The following ARFGEF2 variants were observed in gnomAD, a reference collection of about 807,000 sequenced individuals.
The protein encoded by ARFGEF2 is ARF guanine nucleotide exchange factor 2, also known as brefeldin A-inhibited guanine nucleotide-exchange protein 2.
A neutral mutation model predicts 219.9 loss-of-function variants in ARFGEF2; 74 were observed. The ratio of observed to expected loss-of-function variants is 0.34; its 90% CI spans 0.28 to 0.41. The LOEUF is 0.41. Ranked by LOEUF, ARFGEF2 falls within the 10% of genes least tolerant of loss-of-function variation. The pLI is 1.00. For missense variants in ARFGEF2, 1,743 were observed against 2,218.3 expected (o/e 0.79, Z 4.30); for synonymous variants, 733 against 799.2 (o/e 0.92, Z 1.40).
chr20:48,960,861 C>G (rs1432572847), intron 6 of ARFGEF2, among the ~76,000 whole-genome samples: 1 of 150,944 alleles, frequency 6.6e-6, no homozygotes, highest in Non-Finnish European at 1.5e-5. Context: ...GCAGGCAGAT[C>G]ACGAGGTCAA....
intron 27 of ARFGEF2, 137 bp downstream of exon 27, chr20:49,010,541 G>A: frequency 1.0e-6 from 1 of 979,772 alleles, no homozygotes; most frequent in Non-Finnish European, 1.6e-6. Context: ...AGGCCGTGTT[G>A]TAAGCGCTTG....
At position 48,973,905 on chromosome 20, in the gene ARFGEF2, T is replaced by A. The variant is rs543634311; in HGVS notation, c.1665+621T>A. On this transcript the variant is annotated intron_variant, in intron 12 of 38. Transcript: ENST00000371917. ...ATATTTGCAATTTTTTTAGATGATCTGCAACTCATATTCAACTTGTTATTT... is the reference window on the plus strand; with the variant it reads ...ATATTTGCAATTTTTTTAGATGATCAGCAACTCATATTCAACTTGTTATTT... Among the ~76,000 whole-genome samples the A allele has an allele frequency of 2.0e-5, 3 of 152,302 alleles. No homozygotes were observed. The South Asian group carries it at 6.2e-4, about 32-fold the overall frequency.
intron 21 of ARFGEF2, among the ~76,000 whole-genome samples, chr20:48,991,690 T>A (rs1037187376): frequency 2.0e-5 from 3 of 152,178 alleles, no homozygotes; most frequent in African/African-American, 7.2e-5. Context: ...TTTAAAAGGA[T>A]ATTTGTTGCA....
intron 21 of ARFGEF2, among the ~76,000 whole-genome samples, chr20:48,993,751 AC>A (rs2091370133): frequency 6.6e-6 from 1 of 152,122 alleles, no homozygotes; most frequent in Non-Finnish European, 1.5e-5. Context: ...CACCAGAGGC[AC>A]CCCTCAGGAC....
chr20:48,926,541 C>T (rs575529871), intron 1 of ARFGEF2, among the ~76,000 whole-genome samples: 1 of 152,124 alleles, frequency 6.6e-6, no homozygotes, highest in South Asian at 2.1e-4. Flanking sequence ...TCACTGCAAC[C>T]TCTCCATCCC....
At chr20:48,931,544 G>A (rs568039574) in intron 1 of ARFGEF2, among the ~76,000 whole-genome samples, 9 of 152,136 alleles carry the variant, frequency 5.9e-5, no homozygotes, top group Non-Finnish European at 1.3e-4. Flanking sequence ...TAAAGTGAGA[G>A]AACAAACCAG....
At chr20:48,991,674 A>G (rs917554265) in intron 21 of ARFGEF2, among the ~76,000 whole-genome samples, 8 of 152,180 alleles carry the variant, frequency 5.3e-5, no homozygotes, top group African/African-American at 1.9e-4. Context: ...TGTGTACAAC[A>G]ATGTATTTAA....
chr20:48,973,360 C>G, intron 12 of ARFGEF2, 76 bp downstream of exon 12: 1 of 1,475,190 alleles, frequency 6.8e-7, no homozygotes, highest in East Asian at 2.4e-5. Context: ...CCACCACATG[C>G]CAGGCACTGT....
chr20:48,995,202 G>T (rs1345546708), intron 22 of ARFGEF2, among the ~76,000 whole-genome samples: 2 of 152,146 alleles, frequency 1.3e-5, no homozygotes, highest in African/African-American at 4.8e-5. Flanking sequence ...ACTGAGGCAC[G>T]GAGTGAAAAG....
intron 3 of ARFGEF2, among the ~76,000 whole-genome samples, chr20:48,943,437 A>G (rs1178740527): frequency 6.6e-6 from 1 of 152,236 alleles, no homozygotes; most frequent in Admixed American, 6.5e-5. Context: ...AGTTAAGGTG[A>G]CTTGTCCAGT....
At chr20:48,979,200 G>T (rs1600629241) in intron 14 of ARFGEF2, among the ~76,000 whole-genome samples, 1 of 152,112 alleles carries the variant, frequency 6.6e-6, no homozygotes, top group Admixed American at 6.6e-5. Context: ...GTTGAATTTT[G>T]TTGAAGGCCT....
chr20:48,965,887 A>G lies in ARFGEF2; in HGVS notation c.923A>G (p.His308Arg). The change falls in exon 8 of 39, where the codon CAT becomes CGT. Residue 308 changes from histidine (H) to arginine (R), a missense_variant. By Grantham distance (29) the His-to-Arg change is conservative. Coordinates refer to ENST00000371917, the MANE Select transcript of ARFGEF2 (RefSeq NM_006420.3). ...GTGTTTTAAGAAGCAGCGGAAAAGCATGGTCTGACAGAACCTGAGAGAGTT... is the reference window on the plus strand; with the variant it reads ...GTGTTTTAAGAAGCAGCGGAAAAGCGTGGTCTGACAGAACCTGAGAGAGTT... Reference protein sequence around the residue: ...TSAIKEAAEKHGLTEPERVLG... With the variant: ...TSAIKEAAEKRGLTEPERVLG... The G allele has an allele frequency of 1.2e-6, 2 of 1,614,232 alleles. No homozygotes were observed. Among genetic ancestry groups the G allele is most frequent in the Non-Finnish European group, 1.7e-6 (2 of 1,180,036 alleles).
At chr20:48,959,542 TGTCCCTC>T (rs2091131128) in intron 6 of ARFGEF2, among the ~76,000 whole-genome samples, 2 of 1,966 alleles carry the variant, frequency 1.0e-3, no homozygotes, top group African/African-American at 2.4e-3. Flanking sequence ...TCCCTCCCTC[TGTCCCTC>T]CTTCCTTCCC....
At chr20:49,013,451 T>G in intron 28 of ARFGEF2, 113 bp from the exon 29 acceptor site, 9 of 1,353,132 alleles carry the variant, frequency 6.7e-6, no homozygotes, top group Non-Finnish European at 8.4e-6. Flanking sequence ...CCTTGCTGAA[T>G]GGAGATTTTT....
chr20:49,017,462 A>C (rs758270538), intron 32 of ARFGEF2, 34 bp from the exon 33 acceptor site: 23 of 1,602,692 alleles, frequency 1.4e-5, no homozygotes, highest in Non-Finnish European at 2.0e-5. Context: ...TGCCTTTCAC[A>C]TTGATTATTT....
chr20:49,027,301 G>A (rs2091609579), intron 36 of ARFGEF2, among the ~76,000 whole-genome samples: 3 of 152,066 alleles, frequency 2.0e-5, no homozygotes, highest in Admixed American at 2.0e-4. Flanking sequence ...CCAAAGTGCT[G>A]GGATTACAGG....
At chr20:48,987,195 C>T (rs1356433531) in intron 16 of ARFGEF2, among the ~76,000 whole-genome samples, 2 of 152,216 alleles carry the variant, frequency 1.3e-5, no homozygotes, top group Admixed American at 6.5e-5. Context: ...TTACTTTAAA[C>T]GTATCTCCTA....
chr20:49,025,725 A>G (rs150074392), intron 36 of ARFGEF2, among the ~76,000 whole-genome samples: 181 of 152,186 alleles, frequency 1.2e-3, no homozygotes, highest in African/African-American at 4.2e-3. Flanking sequence ...TGTAATCCCA[A>G]CACTTTGGGA....
chr20:48,997,549 A>G (rs1166010858), intron 23 of ARFGEF2, among the ~76,000 whole-genome samples: 1 of 152,238 alleles, frequency 6.6e-6, no homozygotes, highest in Non-Finnish European at 1.5e-5. Context: ...CTGGGATTGC[A>G]GGCATGAGCC....
Sources: allele counts gnomAD v4.1 joint callset (sites outside exome capture counted in the v4.1 genomes callset), GRCh38; gene constraint gnomAD v4.1.1; transcripts MANE v1.5; gene names NCBI Gene and HGNC (gene_info 2026-07-23, HGNC 2026-07-21).